PFKM: variants seen among roughly 807,000 people sequenced by gnomAD.
PFKM encodes the protein phosphofructokinase, muscle, also known as ATP-dependent 6-phosphofructokinase, muscle type.
PFKM carries 58 observed loss-of-function variants against 95.5 expected under a neutral mutation model. That is an observed-to-expected ratio of 0.61 (90% confidence interval 0.49 to 0.76). The LOEUF (loss-of-function observed/expected upper bound fraction) is 0.76. Ranked by LOEUF, PFKM falls within the 30% of genes least tolerant of loss-of-function variation. PFKM has a pLI of 0.00. For synonymous variants in PFKM, 336 were observed against 357.2 expected (o/e 0.94, Z 0.67); for missense variants, 678 against 1,005.4 (o/e 0.67, Z 4.40).
chr12:48,142,528 C>G (rs1190646809), intron 17 of PFKM: 3 of 483,692 alleles, frequency 6.2e-6, no homozygotes, highest in Non-Finnish European at 1.1e-5. Flanking sequence ...TTTTTTTTTT[C>G]TTTCTGAGAT....
intron 3 of PFKM, among the ~76,000 whole-genome samples, chr12:48,130,733 A>G (rs970162692): frequency 6.6e-6 from 1 of 152,174 alleles, no homozygotes; most frequent in Non-Finnish European, 1.5e-5. Context: ...AATGGGTAGT[A>G]TTTACAGCAA....
At chr12:48,138,047 A>G (rs1950256091) in intron 11 of PFKM, among the ~76,000 whole-genome samples, 1 of 152,172 alleles carries the variant, frequency 6.6e-6, no homozygotes. Context: ...CATCTGTAAA[A>G]TGTTCCTAAG....
At chr12:48,105,584 CA>C, upstream of PFKM, 1 of 478,392 alleles carries the variant, frequency 2.1e-6, no homozygotes, top group Non-Finnish European at 4.2e-6. Context: ...CAAGAAATAT[CA>C]CTCGGGTCTC....
At chr12:48,140,035 C>T in intron 13 of PFKM, 123 bp downstream of exon 13, 1 of 702,688 alleles carries the variant, frequency 1.4e-6, no homozygotes, top group African/African-American at 1.8e-5. Flanking sequence ...CTCTGATCTT[C>T]AGTGCTGGGT....
intron 2 of PFKM, among the ~76,000 whole-genome samples, chr12:48,127,181 G>A (rs569472790): frequency 6.6e-6 from 1 of 152,276 alleles, no homozygotes; most frequent in East Asian, 1.9e-4. Flanking sequence ...CTAAGACATT[G>A]CTAAATCCTG....
At chr12:48,140,403 A>G (rs1355784928) in intron 13 of PFKM, among the ~76,000 whole-genome samples, 1 of 152,178 alleles carries the variant, frequency 6.6e-6, no homozygotes, top group Non-Finnish European at 1.5e-5. Context: ...CCCCCAGTGG[A>G]TTCTGATGCA....
At chr12:48,136,952 C>A (rs1401211443) in intron 10 of PFKM, among the ~76,000 whole-genome samples, 1 of 151,564 alleles carries the variant, frequency 6.6e-6, no homozygotes, top group African/African-American at 2.4e-5. Flanking sequence ...ATGGGGCTTT[C>A]ACCATGTTGG....
At chr12:48,143,560 C>T (rs999034573) in intron 18 of PFKM, among the ~76,000 whole-genome samples, 193 bp from the exon 19 acceptor site, 2 of 152,232 alleles carry the variant, frequency 1.3e-5, no homozygotes, top group Non-Finnish European at 2.9e-5. Flanking sequence ...AGTTCTGTCT[C>T]ATTTGGAGTC....
Position 48,144,127 on chromosome 12 carries a change from C to T in PFKM, c.1962C>T (p.Ser654=). The T allele has an allele frequency of 1.2e-6, 2 of 1,612,656 alleles. No individual in the cohort carries two copies. The highest frequency in any genetic ancestry group is 1.1e-5 in the South Asian group (1 of 91,034). The part of the protein sequence containing the change: ...YSEEGKGIFD[S]RKNVLGHMQQ... ...AGGAGGGGAAGGGCATCTTCGACAGCAGGAAGAATGTGCTTGGTCACATGC... is the reference window on the plus strand; with the variant it reads ...AGGAGGGGAAGGGCATCTTCGACAGTAGGAAGAATGTGCTTGGTCACATGC... Residue 654 remains serine, a synonymous_variant, in exon 20 of 23, where the codon AGC becomes AGT. Coordinates refer to ENST00000359794, the MANE Select transcript of PFKM (RefSeq NM_000289.6).
In PFKM at chr12:48,145,487, T is replaced by G; in HGVS notation, c.2199-77T>G. ...CTAAATCTAACCTCTTCTGTCTAAC[T>G]TCTTCCTATAAACCTTTGGTAGAAG... On this transcript the variant is annotated intron_variant, in intron 22 of 22. Coordinates refer to ENST00000359794, the MANE Select transcript of PFKM (RefSeq NM_000289.6). The surrounding 1 kb of genome is among the most constrained non-coding windows in gnomAD (Gnocchi z 4.3). 3.8e-6 allele frequency: 6 copies of G among 1,567,806 alleles called. No homozygotes were observed. Among genetic ancestry groups the G allele is most frequent in the Non-Finnish European group, 5.3e-6 (6 of 1,139,508 alleles).
intron 7 of PFKM, 147 bp downstream of exon 7, chr12:48,134,423 C>A: frequency 1.3e-6 from 1 of 769,320 alleles, no homozygotes; most frequent in Non-Finnish European, 2.3e-6. Flanking sequence ...CGGCCTCCAT[C>A]CCCTCTGTTA....
At chr12:48,139,400 G>T in intron 12 of PFKM, 51 bp downstream of exon 12, 1 of 1,401,568 alleles carries the variant, frequency 7.1e-7, no homozygotes, top group Non-Finnish European at 1.0e-6. Context: ...AGGCGTGAAC[G>T]AAGCCAAAGA....
intron 3 of PFKM, among the ~76,000 whole-genome samples, chr12:48,109,277 G>A (rs1202826194): frequency 6.6e-6 from 1 of 152,150 alleles, no homozygotes; most frequent in East Asian, 1.9e-4. Context: ...AGAACAGCCA[G>A]CTGACTGCTC....
chr12:48,114,903 A>G (rs1947536198), upstream of PFKM, among the ~76,000 whole-genome samples: 1 of 152,216 alleles, frequency 6.6e-6, no homozygotes, highest in African/African-American at 2.4e-5. Context: ...ATTTTAGGTC[A>G]GGTGAGAGTT....
At chr12:48,105,534 G>A, upstream of PFKM, 1 of 511,436 alleles carries the variant, frequency 2.0e-6, no homozygotes, top group Non-Finnish European at 3.9e-6. Flanking sequence ...CCACAGAGTA[G>A]GAGAGTTGGA....
chr12:48,130,485 A>C, intron 3 of PFKM, 49 bp downstream of exon 3: 2 of 1,375,286 alleles, frequency 1.5e-6, no homozygotes, highest in South Asian at 2.3e-5. Flanking sequence ...TCTTCTTCTA[A>C]ATCTGCCTTC....
At chr12:48,129,477 G>C (rs1949230232) in intron 2 of PFKM, among the ~76,000 whole-genome samples, 1 of 152,056 alleles carries the variant, frequency 6.6e-6, no homozygotes, top group Admixed American at 6.5e-5. Context: ...GCAAATATTT[G>C]TTGACTAATT....
chr12:48,108,236 A>T, intron 3 of PFKM: 1 of 1,578,232 alleles, frequency 6.3e-7, no homozygotes, highest in Non-Finnish European at 8.6e-7. Context: ...TCAAAGGAAT[A>T]TGGGAAAGTG....
intron 2 of PFKM, chr12:48,125,260 C>T (rs1948709360): frequency 2.3e-6 from 1 of 431,158 alleles, no homozygotes; most frequent in South Asian, 1.7e-5. Flanking sequence ...TCTGCTCTGG[C>T]CCTCTGTCTC....
Sources: allele counts gnomAD v4.1 joint callset (sites outside exome capture counted in the v4.1 genomes callset), GRCh38; gene constraint gnomAD v4.1.1; non-coding constraint Gnocchi (gnomAD v3.1); transcripts MANE v1.5; gene names NCBI Gene and HGNC (gene_info 2026-07-23, HGNC 2026-07-21).